SLC9A7: variants seen among roughly 807,000 people sequenced by gnomAD.
The protein encoded by SLC9A7 is sodium/hydrogen exchanger 7.
In SLC9A7, 19 loss-of-function variants were observed where a neutral mutation model predicts 52.6. The observed-to-expected ratio is 0.36, with a 90% CI of 0.25 to 0.53. The LOEUF is 0.53. Among genes scored for constraint, SLC9A7 ranks in the 20% least tolerant of loss-of-function variants. The probability of loss-of-function intolerance (pLI) is 0.91; values close to 1 mark genes in which losing one functional copy is unlikely to be tolerated. For synonymous variants in SLC9A7, 226 were observed against 252.1 expected, an observed-to-expected ratio of 0.90 and a Z score of 0.98; for missense variants, 455 against 597.9, an observed-to-expected ratio of 0.76 and a Z score of 2.49.
rs1942745548 is a variant in SLC9A7 at position 46,606,514 on chromosome X, G to A, written c.*438C>T. On this transcript the variant is annotated 3_prime_UTR_variant, in exon 17 of 17. Transcript: ENST00000616978. ...AGTTTCCCATAATCCTTGGAGTTCCGATCTCAATTGCCTTCCTTCTCTTTA... is the reference window on the plus strand; with the variant it reads ...AGTTTCCCATAATCCTTGGAGTTCCAATCTCAATTGCCTTCCTTCTCTTTA... The A allele has an allele frequency of 2.6e-6, 2 of 763,282 alleles. No homozygotes were observed. The highest frequency in any genetic ancestry group is 7.8e-5 in the Admixed American group (1 of 12,897). The allele number at this position is 763,282 out of a possible 1,213,427, so 62.9% of individuals were successfully genotyped here. A position where few individuals can be genotyped will look rare whatever the true frequency, so the allele number is the denominator to read the frequency against.
intron 1 of SLC9A7, among the ~76,000 whole-genome samples, chrX:46,754,210 C>A (rs1357179557): frequency 9.0e-6 from 1 of 111,481 alleles, no homozygotes; most frequent in Non-Finnish European, 1.9e-5. Flanking sequence ...AGAATGGGAA[C>A]TAATATTTAC....
intron 14 of SLC9A7, 118 bp downstream of exon 14, chrX:46,631,468 C>G: frequency 5.6e-6 from 3 of 531,078 alleles, no homozygotes. Context: ...ATGGGGAGAG[C>G]AGTACACGCT....
intron 5 of SLC9A7, among the ~76,000 whole-genome samples, chrX:46,666,129 C>A (rs1197038676): frequency 9.0e-6 from 1 of 111,343 alleles, no homozygotes; most frequent in African/African-American, 3.3e-5. Context: ...TTTTTAAAGA[C>A]AGGGTCTTGC....
chrX:46,678,978 C>T (rs1944167064), intron 3 of SLC9A7, among the ~76,000 whole-genome samples: 1 of 111,370 alleles, frequency 9.0e-6, no homozygotes, highest in African/African-American at 3.3e-5. Context: ...CACAACTGTT[C>T]CATCACCCTG....
chrX:46,716,738 G>A (rs1449376163), intron 1 of SLC9A7, among the ~76,000 whole-genome samples: 1 of 112,443 alleles, frequency 8.9e-6, no homozygotes, highest in African/African-American at 3.2e-5. Flanking sequence ...TAGGCAAATA[G>A]TACCCAAGTG....
rs773736796 is a variant in SLC9A7, at chrX:46,657,666, C to G, written c.1042-3952G>C. ...GGTAAAGGGATCAATTCAACAAGAA[C>G]AGCTAACTATCCTAAATATATATGC... On this transcript the variant is annotated intron_variant, in intron 7 of 16. Coordinates refer to ENST00000616978, the MANE Select transcript of SLC9A7 (RefSeq NM_001257291.2). Among the ~76,000 whole-genome samples, 1,034 of 110,385 alleles carry G rather than the reference C, an allele frequency of 9.4e-3. 12 individuals are homozygous for G. The highest frequency in any genetic ancestry group is 0.027 in the African/African-American group (812 of 30,182).
intron 1 of SLC9A7, among the ~76,000 whole-genome samples, chrX:46,730,670 TTATATATATATATATATATATATATA>T (rs57157177): frequency 4.7e-5 from 2 of 42,928 alleles, no homozygotes; most frequent in Non-Finnish European, 9.4e-5. Context: ...AAAAAAAAAA[TTATATATATATATATATATATATATA>T]TATATATATA....
intron 1 of SLC9A7, among the ~76,000 whole-genome samples, chrX:46,710,947 T>C (rs1228715110): frequency 8.9e-6 from 1 of 112,805 alleles, no homozygotes; most frequent in African/African-American, 3.2e-5. Flanking sequence ...AAATCTCTTA[T>C]CATAAATTAA....
intron 1 of SLC9A7, among the ~76,000 whole-genome samples, chrX:46,753,471 G>T (rs894196865): frequency 1.8e-5 from 2 of 111,721 alleles, no homozygotes; most frequent in Admixed American, 9.5e-5. Context: ...ACAACATTAT[G>T]TGTGGACAGT....
chrX:46,676,184 A>G (rs1166080476), intron 3 of SLC9A7, among the ~76,000 whole-genome samples: 1 of 111,196 alleles, frequency 9.0e-6, no homozygotes, highest in Non-Finnish European at 1.9e-5. Flanking sequence ...CAGAAGTCCC[A>G]GACTTGTGAC....
At chrX:46,641,886 A>C (rs937695828) in intron 12 of SLC9A7, among the ~76,000 whole-genome samples, 8 of 112,105 alleles carry the variant, frequency 7.1e-5, no homozygotes, top group African/African-American at 2.6e-4. Context: ...CTCCCTTATA[A>C]GAATGTTATG....
intron 1 of SLC9A7, among the ~76,000 whole-genome samples, chrX:46,754,688 G>GTT (rs1331549510): frequency 1.8e-5 from 2 of 111,566 alleles, no homozygotes; most frequent in Non-Finnish European, 3.8e-5. Context: ...AAAGGTGATG[G>GTT]GGTGGTGGAG....
chrX:46,739,503 C>G (rs1416140274), intron 1 of SLC9A7, among the ~76,000 whole-genome samples: 7 of 110,618 alleles, frequency 6.3e-5, no homozygotes, highest in Non-Finnish European at 9.5e-5. Context: ...GGCTGAAGCT[C>G]CCATCAGACA....
At chrX:46,711,899 T>C (rs865984235) in intron 1 of SLC9A7, among the ~76,000 whole-genome samples, 1 of 91,186 alleles carries the variant, frequency 1.1e-5, no homozygotes, top group African/African-American at 4.3e-5. Context: ...GCCTCTAAAT[T>C]ACACACACAC....
chrX:46,710,641 A>T (rs760343511), intron 1 of SLC9A7, among the ~76,000 whole-genome samples: 1 of 110,950 alleles, frequency 9.0e-6, no homozygotes, highest in Non-Finnish European at 1.9e-5. Flanking sequence ...AGAGAGAGAG[A>T]GAAGAAAGGC....
At chrX:46,621,549 A>C (rs2235313) in intron 14 of SLC9A7, among the ~76,000 whole-genome samples, 3 of 111,523 alleles carry the variant, frequency 2.7e-5, no homozygotes, top group African/African-American at 9.8e-5. Context: ...AGGGACCTAC[A>C]CTGTGCTCCA....
At chrX:46,623,667 T>G (rs1179901555) in intron 14 of SLC9A7, among the ~76,000 whole-genome samples, 1 of 111,940 alleles carries the variant, frequency 8.9e-6, no homozygotes, top group Non-Finnish European at 1.9e-5. Flanking sequence ...TTCAGTATCC[T>G]CATCTGTAAA....
At chrX:46,635,506 T>G in intron 13 of SLC9A7, 83 bp downstream of exon 13, 1 of 773,911 alleles carries the variant, frequency 1.3e-6, no homozygotes, top group East Asian at 3.2e-5. Context: ...AAGAGAAAAA[T>G]AGTGTAAAGA....
chrX:46,668,978 T>C (rs979266935), intron 5 of SLC9A7, among the ~76,000 whole-genome samples: 15 of 110,066 alleles, frequency 1.4e-4, no homozygotes, highest in African/African-American at 6.6e-5. Flanking sequence ...CCATCCTGGC[T>C]AACACGGTGA....
Sources: gnomAD v4.1 joint callset for allele counts (sites outside exome capture counted in the v4.1 genomes callset) on GRCh38, gnomAD v4.1.1 for gene constraint, MANE v1.5 for transcripts, NCBI Gene and HGNC (gene_info 2026-07-23, HGNC 2026-07-21) for gene names.